The following ARHGEF3 variants were observed in gnomAD, a reference collection of about 807,000 sequenced individuals.
ARHGEF3 encodes the protein 59.8 kDA protein.
ARHGEF3 carries 28 observed loss-of-function variants against 63.2 expected under a neutral mutation model. The observed-to-expected ratio is 0.44, with a 90% CI of 0.33 to 0.61. The LOEUF is 0.61. Among genes scored for constraint, ARHGEF3 ranks in the 20% least tolerant of loss-of-function variants. The pLI is 0.03. For synonymous variants in ARHGEF3, 266 were observed against 254.2 expected, an observed-to-expected ratio of 1.05 and a Z score of -0.44; for missense variants, 533 against 659.3, an observed-to-expected ratio of 0.81 and a Z score of 2.10.
intron 1 of ARHGEF3, among the ~76,000 whole-genome samples, chr3:56,797,341 A>G (rs1180197117): frequency 1.3e-5 from 2 of 152,148 alleles, no homozygotes; most frequent in African/African-American, 4.8e-5. Flanking sequence ...AAGATTCCCA[A>G]AATAATTTTC....
rs996074852 is a variant in ARHGEF3 at position 57,073,508 on chromosome 3, G to A, written c.-28+5718C>T. On this transcript the variant is annotated intron_variant, in intron 1 of 12. Coordinates refer to the ARHGEF3 transcript ENST00000338458. Reference sequence around the variant, plus strand: ...ACATGGGAAAACCTCTGCAGTATCTGGGTGACTGTGGGGTTTGGCTCTGTT... The same window carrying A: ...ACATGGGAAAACCTCTGCAGTATCTAGGTGACTGTGGGGTTTGGCTCTGTT... 9.2e-6 allele frequency: 8 copies of A among 873,432 alleles called. No homozygotes were observed. The African/African-American group carries it at 1.2e-4, about 13-fold the overall frequency. 54.1% of individuals were successfully genotyped at this position (873,432 alleles called of 1,614,324 possible).
At chr3:56,979,735 C>G (rs1176355012) in intron 2 of ARHGEF3, among the ~76,000 whole-genome samples, 1 of 152,184 alleles carries the variant, frequency 6.6e-6, no homozygotes, top group Non-Finnish European at 1.5e-5. Flanking sequence ...GATGTGAATT[C>G]CTTTTCTTAG....
intron 2 of ARHGEF3, among the ~76,000 whole-genome samples, chr3:57,024,679 G>A (rs1345488270): frequency 6.6e-6 from 1 of 152,048 alleles, no homozygotes; most frequent in African/African-American, 2.4e-5. Context: ...AGTAGAGACG[G>A]GGTTTCACCA....
chr3:57,033,396 T>C (rs890143537), intron 2 of ARHGEF3, among the ~76,000 whole-genome samples: 1 of 147,612 alleles, frequency 6.8e-6, no homozygotes, highest in African/African-American at 2.5e-5. Flanking sequence ...ACTGTGGATA[T>C]ACTATTCACT....
upstream of ARHGEF3, among the ~76,000 whole-genome samples, chr3:56,806,127 C>T (rs1027449379): frequency 3.3e-5 from 5 of 152,112 alleles, no homozygotes; most frequent in African/African-American, 1.2e-4. Flanking sequence ...CAATTTCCAC[C>T]TTGGTCCCTG....
At chr3:56,968,406 G>T (rs1700762255) in intron 2 of ARHGEF3, among the ~76,000 whole-genome samples, 1 of 130,920 alleles carries the variant, frequency 7.6e-6, no homozygotes, top group Admixed American at 9.7e-5. Context: ...GTGGCGTGAT[G>T]ATGGCTCACT....
intron 2 of ARHGEF3, among the ~76,000 whole-genome samples, chr3:57,021,218 C>T (rs1038560458): frequency 6.6e-6 from 1 of 152,228 alleles, no homozygotes; most frequent in Non-Finnish European, 1.5e-5. Flanking sequence ...TAATTCATCT[C>T]ATTACAGAGT....
At chr3:56,830,106 G>A (rs538368904) in intron 4 of ARHGEF3, among the ~76,000 whole-genome samples, 4 of 152,268 alleles carry the variant, frequency 2.6e-5, no homozygotes, top group South Asian at 4.1e-4. Flanking sequence ...CAGAGCTGGG[G>A]TTTCAATACA....
chr3:56,920,462 C>G (rs1283808425), intron 3 of ARHGEF3, among the ~76,000 whole-genome samples: 3 of 152,092 alleles, frequency 2.0e-5, no homozygotes, highest in African/African-American at 4.8e-5. Context: ...ATTTCCTTAC[C>G]AAAGATATTA....
intron 2 of ARHGEF3, among the ~76,000 whole-genome samples, chr3:56,756,974 T>C (rs1024027527): frequency 6.6e-6 from 1 of 152,198 alleles, no homozygotes; most frequent in African/African-American, 2.4e-5. Context: ...GATATAGCAA[T>C]GATCATACTT....
chr3:56,921,319 T>C (rs1169172371), intron 3 of ARHGEF3, among the ~76,000 whole-genome samples: 3 of 152,042 alleles, frequency 2.0e-5, no homozygotes, highest in Admixed American at 1.3e-4. Context: ...GGTTCCAACA[T>C]CATAAGATTA....
intron 2 of ARHGEF3, among the ~76,000 whole-genome samples, chr3:56,757,960 G>T (rs1284791141): frequency 6.6e-6 from 1 of 150,910 alleles, no homozygotes; most frequent in Non-Finnish European, 1.5e-5. Flanking sequence ...CTGACCTCGT[G>T]ATCCGCCCGC....
intron 4 of ARHGEF3, among the ~76,000 whole-genome samples, chr3:56,879,863 CT>C (rs2040709352): frequency 6.6e-6 from 1 of 152,172 alleles, no homozygotes; most frequent in African/African-American, 2.4e-5. Context: ...CCATTGTTGC[CT>C]TTATGGCAAA....
At chr3:56,806,292 G>A (rs1056876687), upstream of ARHGEF3, among the ~76,000 whole-genome samples, 2 of 152,168 alleles carry the variant, frequency 1.3e-5, no homozygotes, top group Admixed American at 6.5e-5. Context: ...ATATCCCTAA[G>A]GTTAGTGTCA....
intron 1 of ARHGEF3, among the ~76,000 whole-genome samples, chr3:56,788,653 C>T (rs751581756): frequency 5.3e-5 from 8 of 151,786 alleles, no homozygotes; most frequent in Admixed American, 6.6e-5. Context: ...GGTCTGTGTC[C>T]GTGGTTGGCA....
chr3:56,737,971 C>A (rs9855217), intron 7 of ARHGEF3, among the ~76,000 whole-genome samples: 1 of 151,866 alleles, frequency 6.6e-6, no homozygotes, highest in African/African-American at 2.4e-5. Context: ...CAGGTTCAAG[C>A]GATTCTTCTG....
intron 3 of ARHGEF3, among the ~76,000 whole-genome samples, chr3:56,950,310 C>G (rs542825389): frequency 1.3e-5 from 2 of 152,096 alleles, no homozygotes; most frequent in East Asian, 3.9e-4. Context: ...AGCTTCTGCA[C>G]AGCAAAAGAA....
At chr3:56,759,399 G>A (rs2035288282) in intron 2 of ARHGEF3, among the ~76,000 whole-genome samples, 1 of 152,090 alleles carries the variant, frequency 6.6e-6, no homozygotes, top group African/African-American at 2.4e-5. Context: ...TCGATCTCCT[G>A]ACCTCGTGAT....
chr3:56,992,181 CT>C (rs1360272018), intron 2 of ARHGEF3, among the ~76,000 whole-genome samples: 1 of 151,258 alleles, frequency 6.6e-6, no homozygotes, highest in African/African-American at 2.4e-5. Context: ...CTTTCTCATC[CT>C]CATCCTGCTA....
Sources: gnomAD v4.1 joint callset for allele counts (sites outside exome capture counted in the v4.1 genomes callset) on GRCh38, gnomAD v4.1.1 for gene constraint, MANE v1.5 for transcripts, NCBI Gene and HGNC (gene_info 2026-07-23, HGNC 2026-07-21) for gene names.